Variants in CHCHD3 observed in about 807,000 individuals in gnomAD.
The protein encoded by CHCHD3 is coiled-coil-helix-coiled-coil-helix domain containing 3.
In CHCHD3, 20 loss-of-function variants were observed where a neutral mutation model predicts 38.2. The ratio of observed to expected loss-of-function variants is 0.52; its 90% CI spans 0.37 to 0.76. The LOEUF (loss-of-function observed/expected upper bound fraction) is 0.76. Among genes scored for constraint, CHCHD3 ranks in the 30% least tolerant of loss-of-function variants. CHCHD3 has a pLI of 0.00. For synonymous variants in CHCHD3, 82 were observed against 100.0 expected (o/e 0.82, Z 1.07); for missense variants, 245 against 279.2 (o/e 0.88, Z 0.87).
At chr7:132,883,743 C>T (rs1483916528) in intron 5 of CHCHD3, among the ~76,000 whole-genome samples, 1 of 152,042 alleles carries the variant, frequency 6.6e-6, no homozygotes, top group Admixed American at 6.6e-5. Context: ...ATTTACTATC[C>T]AGCCCTTTAC....
chr7:132,823,134 A>G (rs1807426847), intron 6 of CHCHD3, among the ~76,000 whole-genome samples: 1 of 152,208 alleles, frequency 6.6e-6, no homozygotes, highest in Non-Finnish European at 1.5e-5. Flanking sequence ...CACATGCTTT[A>G]CTTTTAAAAG....
intron 6 of CHCHD3, among the ~76,000 whole-genome samples, chr7:132,808,041 G>A (rs1475504276): frequency 6.6e-6 from 1 of 152,030 alleles, no homozygotes; most frequent in East Asian, 1.9e-4. Flanking sequence ...AATCCCACAT[G>A]CAAACTCTAC....
intron 6 of CHCHD3, among the ~76,000 whole-genome samples, chr7:132,816,971 G>C (rs1807215927): frequency 6.6e-6 from 1 of 152,118 alleles, no homozygotes; most frequent in African/African-American, 2.4e-5. Flanking sequence ...TATCAAAATG[G>C]AAGTAGGTTC....
chr7:132,929,894 G>A (rs1249561789), intron 4 of CHCHD3, among the ~76,000 whole-genome samples: 1 of 152,046 alleles, frequency 6.6e-6, no homozygotes, highest in Admixed American at 6.5e-5. Flanking sequence ...TGATTGCCAC[G>A]AATATGGCAT....
intron 3 of CHCHD3, among the ~76,000 whole-genome samples, chr7:132,984,034 C>T (rs1434520307): frequency 2.0e-5 from 3 of 150,404 alleles, no homozygotes; most frequent in South Asian, 4.2e-4. Flanking sequence ...CCTCTCCCCA[C>T]GGTCTCCCTC....
intron 2 of CHCHD3, among the ~76,000 whole-genome samples, chr7:133,063,041 G>C (rs951971669): frequency 1.3e-5 from 2 of 152,168 alleles, no homozygotes; most frequent in African/African-American, 4.8e-5. Flanking sequence ...TCCCACTGCA[G>C]CACTTTCTTT....
At chr7:133,019,172 C>T (rs1341120795) in intron 3 of CHCHD3, among the ~76,000 whole-genome samples, 1 of 152,094 alleles carries the variant, frequency 6.6e-6, no homozygotes, top group African/African-American at 2.4e-5. Flanking sequence ...CATGAGCCAC[C>T]AGGCCCAGCC....
chr7:133,011,982 T>C (rs763358686), intron 3 of CHCHD3, among the ~76,000 whole-genome samples: 15 of 152,140 alleles, frequency 9.9e-5, no homozygotes, highest in Non-Finnish European at 1.8e-4. Flanking sequence ...TGGAGTGCAA[T>C]GGCGCAATCT....
chr7:132,797,346 T>A (rs1806645370), intron 6 of CHCHD3, among the ~76,000 whole-genome samples: 1 of 151,902 alleles, frequency 6.6e-6, no homozygotes, highest in Non-Finnish European at 1.5e-5. Flanking sequence ...AACCTACTCA[T>A]CCTTTGATAC....
intron 5 of CHCHD3, among the ~76,000 whole-genome samples, chr7:132,866,543 G>GGAAA (rs1425015746): frequency 6.6e-6 from 1 of 152,168 alleles, no homozygotes; most frequent in Non-Finnish European, 1.5e-5. Flanking sequence ...ATAGGCTTGA[G>GGAAA]GAAAGGTGTG....
intron 2 of CHCHD3, among the ~76,000 whole-genome samples, chr7:133,033,459 C>T (rs1813558829): frequency 6.6e-6 from 1 of 152,100 alleles, no homozygotes; most frequent in African/African-American, 2.4e-5. Context: ...TGCCGTACTC[C>T]TCAAGTGGGG....
chr7:132,838,260 C>T, intron 6 of CHCHD3, 139 bp downstream of exon 6: 1 of 531,634 alleles, frequency 1.9e-6, no homozygotes, highest in Non-Finnish European at 3.3e-6. Flanking sequence ...ATAACATGGC[C>T]CCCATCTCAA....
intron 3 of CHCHD3, among the ~76,000 whole-genome samples, chr7:132,985,633 A>T (rs111917791): frequency 2.8e-3 from 120 of 43,002 alleles, no homozygotes; most frequent in South Asian, 4.5e-3. Flanking sequence ...TACTGGGAAG[A>T]GAGGAGCCCC....
intron 4 of CHCHD3, among the ~76,000 whole-genome samples, chr7:132,900,048 G>C (rs116802649): frequency 1.3e-5 from 2 of 152,200 alleles, no homozygotes. Context: ...TGGCAGCAGC[G>C]TTCCTTCTCT....
chr7:133,072,462 T>C (rs1814852121), intron 1 of CHCHD3, among the ~76,000 whole-genome samples: 1 of 152,080 alleles, frequency 6.6e-6, no homozygotes. Context: ...AACTGAAGCA[T>C]AGCCGGATTA....
At chr7:133,012,845 G>A (rs1812917917) in intron 3 of CHCHD3, among the ~76,000 whole-genome samples, 2 of 130,844 alleles carry the variant, frequency 1.5e-5, no homozygotes, top group African/African-American at 5.7e-5. Context: ...GAGAAGAGAG[G>A]GGAGGGGAAG....
intron 1 of CHCHD3, among the ~76,000 whole-genome samples, chr7:133,076,667 T>C (rs1415459652): frequency 6.6e-6 from 1 of 152,150 alleles, no homozygotes; most frequent in Non-Finnish European, 1.5e-5. Context: ...TTATCCAAAA[T>C]CCGTGCCAGA....
At chr7:132,861,840 T>C (rs1585581505) in intron 5 of CHCHD3, among the ~76,000 whole-genome samples, 1 of 152,316 alleles carries the variant, frequency 6.6e-6, no homozygotes, top group African/African-American at 2.4e-5. Flanking sequence ...TAAAAATGTA[T>C]AAATTATTAT....
chr7:132,848,773 G>C (rs766132869), intron 5 of CHCHD3, among the ~76,000 whole-genome samples: 16 of 152,124 alleles, frequency 1.1e-4, no homozygotes, highest in Non-Finnish European at 2.1e-4. Flanking sequence ...GGTAAGAAAA[G>C]CAGCCCTCCA....
Sources: gnomAD v4.1 joint callset for allele counts (sites outside exome capture counted in the v4.1 genomes callset) on GRCh38, gnomAD v4.1.1 for gene constraint, MANE v1.5 for transcripts, NCBI Gene and HGNC (gene_info 2026-07-23, HGNC 2026-07-21) for gene names.